GATAD2A: variants seen among roughly 807,000 people sequenced by gnomAD.
The protein encoded by GATAD2A is GATA zinc finger domain containing 2A.
GATAD2A carries 12 observed loss-of-function variants against 68.5 expected under a neutral mutation model. The ratio of observed to expected loss-of-function variants is 0.18; its 90% confidence interval spans 0.11 to 0.28. The LOEUF is 0.28. Ranked by LOEUF, GATAD2A falls within the 10% of genes least tolerant of loss-of-function variation. The probability of loss-of-function intolerance (pLI) is 1.00; values close to 1 mark genes in which losing one functional copy is unlikely to be tolerated. For synonymous variants in GATAD2A, 410 were observed against 375.3 expected (o/e 1.09, Z -1.07); for missense variants, 755 against 868.5 (o/e 0.87, Z 1.64).
In GATAD2A at chr19:19,507,963, CG is replaced by C. The variant is rs1200144106; in HGVS notation, c.*2490del. The C allele has an allele frequency of 6.6e-6, 1 of 152,154 alleles. No homozygotes were observed. Among genetic ancestry groups the C allele is most frequent in the Non-Finnish European group, 1.5e-5 (1 of 68,054 alleles). The allele number at this position is 152,154 out of a possible 1,614,324, so 9.4% of individuals were successfully genotyped here. On this transcript the variant is annotated 3_prime_UTR_variant, in exon 12 of 12. Coordinates refer to ENST00000683918, the MANE Select transcript of GATAD2A (RefSeq NM_001384528.1). ...TACCTCTCTGGGTGTGGGGTTTGGA[CG>C]CACCAGGATAGCTATTGATTAATGT... is the stretch of plus-strand genomic sequence containing the variant.
In GATAD2A at chr19:19,498,682, C is replaced by T. The variant is rs141293498; in HGVS notation, c.1164C>T (p.Val388=). 1.7e-5 allele frequency: 28 copies of T among 1,613,696 alleles called. No homozygotes were observed. Among genetic ancestry groups the T allele is most frequent in the Admixed American group, 5.0e-5 (3 of 60,010 alleles). The part of the protein sequence containing the change: ...SAANNEFIYL[V]GLEEVVQNLL... ...CCAACAACGAGTTCATCTACCTGGT[C>T]GGCCTGGAGGAGGTGGTGCAGAACC... The change falls in exon 8 of 12, where the codon GTC becomes GTT. Residue 388 remains valine, a synonymous_variant. Transcript: ENST00000683918.
intron 1 of GATAD2A, among the ~76,000 whole-genome samples, chr19:19,394,981 C>G (rs2049119331): frequency 6.6e-6 from 1 of 152,100 alleles, no homozygotes; most frequent in African/African-American, 2.4e-5. Flanking sequence ...AGTTCTGACT[C>G]TGGAGGTGGA....
intron 1 of GATAD2A, chr19:19,457,215 A>G (rs2057013308): frequency 1.0e-6 from 1 of 985,268 alleles, no homozygotes; most frequent in Non-Finnish European, 1.2e-6. Flanking sequence ...CTGCTGTCAC[A>G]GAGCCTGTTA....
chr19:19,423,767 G>A (rs2052721090), intron 1 of GATAD2A, among the ~76,000 whole-genome samples: 1 of 152,218 alleles, frequency 6.6e-6, no homozygotes, highest in African/African-American at 2.4e-5. Context: ...GTGGGGGCTT[G>A]AGGTCTGCCA....
intron 1 of GATAD2A, among the ~76,000 whole-genome samples, chr19:19,400,175 G>A (rs1388586433): frequency 1.3e-5 from 2 of 152,102 alleles, no homozygotes; most frequent in Non-Finnish European, 2.9e-5. Context: ...ATACACTTCC[G>A]GTTCACAACA....
At chr19:19,472,035 C>T (rs1289958453) in intron 2 of GATAD2A, among the ~76,000 whole-genome samples, 1 of 152,226 alleles carries the variant, frequency 6.6e-6, no homozygotes, top group Non-Finnish European at 1.5e-5. Context: ...CATGCTACTA[C>T]ACCTGGATGG....
chr19:19,444,887 A>G (rs1369718080), intron 1 of GATAD2A, among the ~76,000 whole-genome samples: 1 of 150,978 alleles, frequency 6.6e-6, no homozygotes. Flanking sequence ...AAAAAAAAAA[A>G]AAAGCCACCA....
At chr19:19,400,571 A>C (rs1308894151) in intron 1 of GATAD2A, among the ~76,000 whole-genome samples, 21 of 152,212 alleles carry the variant, frequency 1.4e-4, no homozygotes, top group Admixed American at 1.4e-3. Context: ...TGTATTTTTC[A>C]TAAAGCATCA....
At chr19:19,496,310 T>G (rs1206643571) in intron 7 of GATAD2A, 91 bp downstream of exon 7, 13 of 1,205,852 alleles carry the variant, frequency 1.1e-5, no homozygotes, top group Non-Finnish European at 1.6e-5. Context: ...CAGTAGTGTT[T>G]CCCTGGGCTG....
At chr19:19,430,334 C>A (rs865909710) in intron 1 of GATAD2A, among the ~76,000 whole-genome samples, 1 of 152,124 alleles carries the variant, frequency 6.6e-6, no homozygotes, top group Non-Finnish European at 1.5e-5. Flanking sequence ...TTTTTTCTTT[C>A]CAGATTGAGC....
At chr19:19,390,459 T>C (rs924568886) in intron 1 of GATAD2A, among the ~76,000 whole-genome samples, 3 of 152,088 alleles carry the variant, frequency 2.0e-5, no homozygotes, top group Admixed American at 1.3e-4. Context: ...AGAAAGAAAC[T>C]TGGTATGTCT....
chr19:19,428,506 AG>A (rs762428268), intron 1 of GATAD2A, among the ~76,000 whole-genome samples: 5 of 152,218 alleles, frequency 3.3e-5, no homozygotes, highest in Non-Finnish European at 5.9e-5. Context: ...CCACGCAGGC[AG>A]GCAGGCTCCC....
intron 1 of GATAD2A, among the ~76,000 whole-genome samples, chr19:19,416,845 C>T (rs917721310): frequency 2.6e-5 from 4 of 151,960 alleles, no homozygotes; most frequent in Admixed American, 6.5e-5. Context: ...TCACTGCAAC[C>T]TTGTCTCCAG....
At chr19:19,454,223 C>T (rs1461943992) in intron 1 of GATAD2A, among the ~76,000 whole-genome samples, 7 of 150,516 alleles carry the variant, frequency 4.7e-5, no homozygotes, top group South Asian at 4.2e-4. Flanking sequence ...CTTGAACTCC[C>T]GACCTCAGGT....
chr19:19,474,458 T>C (rs901530742), intron 2 of GATAD2A, among the ~76,000 whole-genome samples: 1 of 152,204 alleles, frequency 6.6e-6, no homozygotes, highest in Non-Finnish European at 1.5e-5. Context: ...TTGCCTCTTT[T>C]CCGGTTTTCC....
chr19:19,494,277 G>A lies in GATAD2A; in HGVS notation c.535-17G>A, dbSNP rs767193788. The A allele has an allele frequency of 3.2e-6, 5 of 1,548,578 alleles. No individual in the cohort carries two copies. In the South Asian group the frequency reaches 5.6e-5, roughly 17 times the overall value. ...GCCCGGTGGCCCCTCACCTCCTGGT[G>A]TCCTGCTCTCTTGCAGCCCACAGGT... On this transcript the variant is annotated splice_polypyrimidine_tract_variant and intron_variant, in intron 4 of 11. Coordinates refer to ENST00000683918, the MANE Select transcript of GATAD2A (RefSeq NM_001384528.1).
intron 2 of GATAD2A, among the ~76,000 whole-genome samples, chr19:19,472,118 A>C (rs1355139459): frequency 6.6e-6 from 1 of 152,106 alleles, no homozygotes; most frequent in Non-Finnish European, 1.5e-5. Flanking sequence ...ACTGGTCCTG[A>C]ACTCCTGATC....
chr19:19,429,192 C>G, intron 1 of GATAD2A: 2 of 985,226 alleles, frequency 2.0e-6, no homozygotes, highest in Non-Finnish European at 2.4e-6. Context: ...AAGTGGGATG[C>G]TCGATTTCAA....
intron 1 of GATAD2A, among the ~76,000 whole-genome samples, chr19:19,415,807 A>G (rs1487166358): frequency 6.6e-6 from 1 of 151,746 alleles, no homozygotes; most frequent in Non-Finnish European, 1.5e-5. Context: ...TGGTAGAGAC[A>G]GGGTATCACC....
Sources: gnomAD v4.1 joint callset for allele counts (sites outside exome capture counted in the v4.1 genomes callset) on GRCh38, gnomAD v4.1.1 for gene constraint, MANE v1.5 for transcripts, NCBI Gene and HGNC (gene_info 2026-07-23, HGNC 2026-07-21) for gene names.